Variants in ABR observed in about 807,000 individuals in gnomAD.
ABR encodes the protein active breakpoint cluster region-related protein.
A neutral mutation model predicts 107.2 loss-of-function variants in ABR; 35 were observed. That is an observed-to-expected ratio of 0.33 (90% CI 0.25 to 0.43). The LOEUF is 0.43. ABR is among the 20% of genes least tolerant of loss of function. The pLI is 1.00. For missense variants in ABR, 815 were observed against 1,115.2 expected (o/e 0.73, Z 3.83); for synonymous variants, 498 against 462.0 (o/e 1.08, Z -1.00).
At chr17:1,020,335 G>A (rs933428373) in intron 16 of ABR, among the ~76,000 whole-genome samples, 6 of 152,170 alleles carry the variant, frequency 3.9e-5, no homozygotes, top group Non-Finnish European at 4.4e-5. Context: ...CACCCGCCTC[G>A]GCCTCCCAAA....
Position 1,007,556 on chromosome 17 carries a change from G to A in ABR, c.2343-244C>T, listed in dbSNP as rs531480989. Among the ~76,000 whole-genome samples, 207 of 152,328 alleles carry A rather than the reference G, an allele frequency of 1.4e-3. 2 individuals are homozygous for A. The highest frequency in any genetic ancestry group is 2.5e-3 in the Non-Finnish European group (167 of 68,030). On this transcript the variant is annotated intron_variant, in intron 21 of 22. Transcript: ENST00000302538. ...TGCTGGGTCCCCCTGAACTGATGGT[G>A]AACTGCCAGAGCCAGGGAGCCCACA... is the stretch of plus-strand genomic sequence containing the variant.
intron 1 of ABR, among the ~76,000 whole-genome samples, chr17:1,173,347 T>TCACCTCAGC: frequency 1.4e-5 from 1 of 69,334 alleles, no homozygotes; most frequent in Non-Finnish European, 2.6e-5. Flanking sequence ...ATCACCTCAG[T>TCACCTCAGC]CCACTCAACA....
chr17:1,156,876 G>A (rs2041065821), intron 1 of ABR, among the ~76,000 whole-genome samples: 1 of 152,182 alleles, frequency 6.6e-6, no homozygotes, highest in African/African-American at 2.4e-5. Context: ...GGCAGCCTGA[G>A]AAGTGGCTCT....
At chr17:1,085,656 G>A (rs562395828) in intron 4 of ABR, among the ~76,000 whole-genome samples, 6 of 152,240 alleles carry the variant, frequency 3.9e-5, no homozygotes, top group Non-Finnish European at 8.8e-5. Flanking sequence ...CCTGAGATAC[G>A]GCCGGTTCAA....
chr17:1,220,504 A>G (rs1487769404), intron 1 of ABR, among the ~76,000 whole-genome samples: 2 of 152,152 alleles, frequency 1.3e-5, no homozygotes, highest in Admixed American at 1.3e-4. Context: ...TGGTGTAAAT[A>G]CAGCTACACA....
rs1183570179 is a variant in ABR at position 1,203,459 on chromosome 17, CGCGGGGACGGAGTCT to C, written c.838+25319_838+25333del. On this transcript the variant is annotated intron_variant, in intron 1 of 22. Coordinates refer to the ABR transcript ENST00000574139. ...GGACGGAGTCTGCGGGGGCGGGGCC[CGCGGGGACGGAGTCT>C]GCGGGGGCGGGGCCCGCGGGGACGG... Among the ~76,000 whole-genome samples, 108 of 4,686 alleles carry C rather than the reference CGCGGGGACGGAGTCT, an allele frequency of 0.023. 28 individuals are homozygous for C. In the Middle Eastern group the frequency reaches 0.33, roughly 14 times the overall value. 3.1% of individuals were successfully genotyped at this position (4,686 alleles called of 152,430 possible).
chr17:1,088,271 G>C (rs976696156), intron 4 of ABR, among the ~76,000 whole-genome samples: 12 of 151,920 alleles, frequency 7.9e-5, no homozygotes, highest in Non-Finnish European at 1.8e-4. Context: ...CCCTAGGTTT[G>C]CTCTCCTCTA....
chr17:1,204,889 CTTTTTCTTTTTCTTTTTT>C (rs1489217643), intron 1 of ABR, among the ~76,000 whole-genome samples: 1 of 126,746 alleles, frequency 7.9e-6, no homozygotes, highest in Admixed American at 9.5e-5. Context: ...TTTTTCTTTT[CTTTTTCTTTTTCTTTTTT>C]TTTTTTTTTT....
chr17:1,129,731 G>A (rs1277507084), intron 1 of ABR, among the ~76,000 whole-genome samples: 1 of 152,064 alleles, frequency 6.6e-6, no homozygotes, highest in East Asian at 1.9e-4. Flanking sequence ...GGTGGATCAC[G>A]AGGTTAGGAG....
upstream of ABR, among the ~76,000 whole-genome samples, chr17:1,190,087 G>A (rs896381420): frequency 1.3e-5 from 2 of 152,206 alleles, no homozygotes; most frequent in Non-Finnish European, 2.9e-5. Flanking sequence ...TGGCCCCTAG[G>A]ATGGGATTTG....
intron 1 of ABR, among the ~76,000 whole-genome samples, chr17:1,153,433 G>A: frequency 6.8e-6 from 1 of 147,966 alleles, no homozygotes; most frequent in Admixed American, 6.7e-5. Context: ...CACACCTGCG[G>A]GAGGGCTGGG....
intron 10 of ABR, among the ~76,000 whole-genome samples, chr17:1,061,033 T>G (rs941262307): frequency 6.6e-6 from 1 of 152,106 alleles, no homozygotes; most frequent in Non-Finnish European, 1.5e-5. Flanking sequence ...AATCACTGCT[T>G]CTTCTGTGAC....
intron 3 of ABR, among the ~76,000 whole-genome samples, chr17:1,100,126 TAAAAAA>T (rs59004026): frequency 2.7e-5 from 3 of 110,170 alleles, no homozygotes; most frequent in African/African-American, 6.9e-5. Context: ...AGCTCCGTCT[TAAAAAA>T]AAAAAAAAAA....
intron 22 of ABR, among the ~76,000 whole-genome samples, 174 bp from the exon 23 acceptor site, chr17:1,006,343 G>C (rs945768802): frequency 6.6e-6 from 1 of 152,214 alleles, no homozygotes; most frequent in Non-Finnish European, 1.5e-5. Flanking sequence ...CGGGGCAGAG[G>C]GTCGGGGGCC....
At position 1,012,162 on chromosome 17, in the gene ABR, C is replaced by A. The variant is rs183289928; in HGVS notation, c.1962-177G>T. On this transcript the variant is annotated intron_variant, in intron 18 of 22. Transcript: ENST00000302538. ...CCGCACCCCACCCCAGCCAGCCCAC[C>A]CGAGGCCTGCCGAAGGGGCATCGAC... 1.4e-5 allele frequency: 14 copies of A among 1,000,294 alleles called. No homozygotes were observed. The Admixed American group carries it at 2.8e-4, about 20-fold the overall frequency. 62.0% of individuals were successfully genotyped at this position (1,000,294 alleles called of 1,614,324 possible).
intron 1 of ABR, among the ~76,000 whole-genome samples, chr17:1,171,729 C>G (rs927311093): frequency 2.6e-5 from 4 of 152,044 alleles, no homozygotes; most frequent in Admixed American, 6.6e-5. Context: ...GTCAGGAGTT[C>G]GAGACCAGCC....
chr17:1,201,675 T>C (rs1168109614), intron 1 of ABR, among the ~76,000 whole-genome samples: 1 of 127,974 alleles, frequency 7.8e-6, no homozygotes, highest in Non-Finnish European at 1.7e-5. Flanking sequence ...CTAGCATTTT[T>C]GCTTGTTTGT....
chr17:1,079,672 C>G (rs899097164), intron 5 of ABR, among the ~76,000 whole-genome samples: 1 of 151,710 alleles, frequency 6.6e-6, no homozygotes, highest in African/African-American at 2.4e-5. Context: ...GCCTGTAATC[C>G]CAGCTACTTG....
At chr17:1,187,625 C>A (rs1485877064), upstream of ABR, among the ~76,000 whole-genome samples, 3 of 152,238 alleles carry the variant, frequency 2.0e-5, no homozygotes, top group Non-Finnish European at 4.4e-5. Flanking sequence ...TGTGGCAGCT[C>A]ACACCTGTAA....
Sources: allele counts gnomAD v4.1 joint callset (sites outside exome capture counted in the v4.1 genomes callset), GRCh38; gene constraint gnomAD v4.1.1; transcripts MANE v1.5; gene names NCBI Gene and HGNC (gene_info 2026-07-23, HGNC 2026-07-21).